Variants in NRG1 observed in about 807,000 individuals in gnomAD.
NRG1 encodes neuregulin 1, also known as pro-neuregulin-1, membrane-bound isoform.
A neutral mutation model predicts 63.8 loss-of-function variants in NRG1; 18 were observed. That is an observed-to-expected ratio of 0.28 (90% CI 0.19 to 0.42). The LOEUF is 0.42. Among genes scored for constraint, NRG1 ranks in the 10% least tolerant of loss-of-function variants. NRG1 has a pLI of 1.00. For missense variants in NRG1, 762 were observed against 814.7 expected, an observed-to-expected ratio of 0.94 and a Z score of 0.79; for synonymous variants, 302 against 301.3, an observed-to-expected ratio of 1.00 and a Z score of -0.02.
intron 1 of NRG1, among the ~76,000 whole-genome samples, chr8:32,353,612 A>T (rs981391652): frequency 1.3e-5 from 2 of 152,240 alleles, no homozygotes; most frequent in African/African-American, 4.8e-5. Flanking sequence ...TAAAGCTAAA[A>T]TGAGATTCTT....
chr8:32,425,811 G>A (rs1817284971), intron 1 of NRG1, among the ~76,000 whole-genome samples: 1 of 152,166 alleles, frequency 6.6e-6, no homozygotes, highest in African/African-American at 2.4e-5. Flanking sequence ...CTTAAGAAAA[G>A]TATACATGAA....
At chr8:32,748,586 A>G (rs1828032750) in intron 7 of NRG1, 3 of 382,186 alleles carry the variant, frequency 7.8e-6, no homozygotes, top group Non-Finnish European at 1.0e-5. Flanking sequence ...CTGGAGTCCC[A>G]GCTGCCAGGA....
chr8:32,278,380 T>C (rs1413058204), intron 1 of NRG1, among the ~76,000 whole-genome samples: 1 of 152,176 alleles, frequency 6.6e-6, no homozygotes, highest in African/African-American at 2.4e-5. Context: ...TTAGCTTTTG[T>C]TCATGTGTTA....
chr8:32,228,063 G>A (rs1023221916), intron 1 of NRG1, among the ~76,000 whole-genome samples: 1 of 151,986 alleles, frequency 6.6e-6, no homozygotes. Flanking sequence ...TTCTACTTTG[G>A]TGGAAGCTTT....
At chr8:32,069,122 A>C (rs1272174545) in intron 1 of NRG1, among the ~76,000 whole-genome samples, 2 of 152,224 alleles carry the variant, frequency 1.3e-5, no homozygotes. Flanking sequence ...AACCGTCCTC[A>C]GGGTCTGTCT....
chr8:32,027,578 A>G lies in NRG1; in HGVS notation c.37+388147A>G, dbSNP rs1239982207. Among the ~76,000 whole-genome samples the G allele has an allele frequency of 3.3e-5, 5 of 149,618 alleles. No homozygotes were observed. In the South Asian group the frequency reaches 1.1e-3, roughly 31 times the overall value. ...TAAGATGCCAAGTTAGGTGGGATAT[A>G]TTGTAGGTGGCCTCTTGACTCTCTT... On this transcript the variant is annotated intron_variant, in intron 1 of 10. Transcript: ENST00000519301.
At chr8:32,535,233 C>T (rs1202694427) in intron 1 of NRG1, among the ~76,000 whole-genome samples, 1 of 152,190 alleles carries the variant, frequency 6.6e-6, no homozygotes, top group Non-Finnish European at 1.5e-5. Context: ...CACTTAAACA[C>T]ATCTTTTCTT....
intron 1 of NRG1, among the ~76,000 whole-genome samples, chr8:32,353,576 C>G (rs968743155): frequency 1.3e-5 from 2 of 152,116 alleles, no homozygotes; most frequent in East Asian, 1.9e-4. Context: ...TGACCAAAAG[C>G]CTCTGGTGTT....
At chr8:32,566,127 C>T (rs903891604) in intron 1 of NRG1, among the ~76,000 whole-genome samples, 6 of 152,042 alleles carry the variant, frequency 3.9e-5, no homozygotes, top group Non-Finnish European at 8.8e-5. Flanking sequence ...GCCAAGGAGA[C>T]GGGTGGATCA....
intron 1 of NRG1, among the ~76,000 whole-genome samples, chr8:31,833,480 G>A (rs753233561): frequency 7.2e-5 from 11 of 152,138 alleles, no homozygotes; most frequent in East Asian, 1.9e-4. Context: ...TTCAAAATAC[G>A]TGCAGATAAG....
intron 1 of NRG1, among the ~76,000 whole-genome samples, chr8:32,533,491 C>G (rs1463924789): frequency 6.6e-6 from 1 of 151,924 alleles, no homozygotes; most frequent in Middle Eastern, 3.2e-3. Flanking sequence ...TTATTTTCTT[C>G]CTTTAAATAA....
chr8:32,542,404 T>C (rs1413487898), intron 1 of NRG1, among the ~76,000 whole-genome samples: 2 of 152,222 alleles, frequency 1.3e-5, no homozygotes, highest in African/African-American at 4.8e-5. Flanking sequence ...CACTTCTGTA[T>C]GTATAGTCTT....
At chr8:31,652,634 A>G (rs1804964314) in intron 1 of NRG1, among the ~76,000 whole-genome samples, 2 of 151,870 alleles carry the variant, frequency 1.3e-5, no homozygotes, top group Admixed American at 6.6e-5. Flanking sequence ...TTCTCTATCT[A>G]CCTGTTTGTT....
intron 1 of NRG1, among the ~76,000 whole-genome samples, chr8:32,275,802 C>T (rs980189463): frequency 1.3e-5 from 2 of 152,026 alleles, no homozygotes; most frequent in Non-Finnish European, 1.5e-5. Flanking sequence ...TACCATGCCC[C>T]CAGATGATGC....
intron 1 of NRG1, chr8:32,030,555 A>G (rs1168042538): frequency 6.6e-6 from 1 of 152,090 alleles, no homozygotes; most frequent in African/African-American, 2.4e-5. Context: ...TTCACTTACT[A>G]CTGAGGATGA....
At chr8:31,819,729 A>C (rs183851587) in intron 1 of NRG1, among the ~76,000 whole-genome samples, 2 of 152,230 alleles carry the variant, frequency 1.3e-5, no homozygotes, top group African/African-American at 4.8e-5. Context: ...TGATACATTA[A>C]GTGACCTGAG....
chr8:32,559,841 C>CAAAAAAAAAAAAA (rs575336896), intron 1 of NRG1, among the ~76,000 whole-genome samples: 13 of 127,380 alleles, frequency 1.0e-4, no homozygotes, highest in South Asian at 2.5e-4. Flanking sequence ...CAAAAAAATA[C>CAAAAAAAAAAAAA]AAAAAAAAAA....
intron 1 of NRG1, among the ~76,000 whole-genome samples, chr8:32,389,251 T>C (rs1811411728): frequency 6.6e-6 from 1 of 152,184 alleles, no homozygotes; most frequent in African/African-American, 2.4e-5. Context: ...GATTTTGTAA[T>C]GCTTGGCATG....
intron 1 of NRG1, among the ~76,000 whole-genome samples, chr8:32,337,682 A>AAAAAAAAAAAAAAT (rs1554511693): frequency 6.0e-5 from 7 of 116,632 alleles, no homozygotes; most frequent in Non-Finnish European, 1.1e-4. Context: ...AAAAAAAAAA[A>AAAAAAAAAAAAAAT]GCTGATGCAG....
Sources: gnomAD v4.1 joint callset for allele counts (sites outside exome capture counted in the v4.1 genomes callset) on GRCh38, gnomAD v4.1.1 for gene constraint, MANE v1.5 for transcripts, NCBI Gene and HGNC (gene_info 2026-07-23, HGNC 2026-07-21) for gene names.